ELAVL4: variants seen among roughly 807,000 people sequenced by gnomAD.
ELAVL4 encodes ELAV-like protein 4.
Under a neutral mutation model 35.6 loss-of-function variants are expected in ELAVL4, and 1 was observed. That is an observed-to-expected ratio of 0.03 (90% CI 0.01 to 0.13). The LOEUF (loss-of-function observed/expected upper bound fraction) is 0.13, where lower values mean the gene tolerates loss of function less well. ELAVL4 is among the 10% of genes least tolerant of loss of function. ELAVL4 has a pLI of 1.00. For missense variants in ELAVL4, 267 were observed against 464.9 expected (o/e 0.57, Z 3.91); for synonymous variants, 156 against 171.0 (o/e 0.91, Z 0.69).
chr1:50,099,631 C>G (rs546611039), upstream of ELAVL4, among the ~76,000 whole-genome samples: 1 of 150,378 alleles, frequency 6.6e-6, no homozygotes, highest in East Asian at 2.0e-4. Flanking sequence ...TGAATGCAAT[C>G]TGTAATTGAA....
intron 2 of ELAVL4, among the ~76,000 whole-genome samples, chr1:50,163,261 A>T (rs1192940245): frequency 6.6e-6 from 1 of 152,116 alleles, no homozygotes; most frequent in Admixed American, 6.5e-5. Context: ...CTATTGTAAC[A>T]CTTAACTATA....
rs1312220796 is a variant in ELAVL4 at position 50,202,432 on chromosome 1, T to G, written c.*1254T>G. On this transcript the variant is annotated 3_prime_UTR_variant, in exon 7 of 7. Transcript: ENST00000371824. Reference sequence around the variant, plus strand: ...AAAAGATACATTTGCTTTAAATTCATTAAGAAATTTTCAAATTCACTTTGT... The same window carrying G: ...AAAAGATACATTTGCTTTAAATTCAGTAAGAAATTTTCAAATTCACTTTGT... 1 of 152,242 alleles carries G rather than the reference T, an allele frequency of 6.6e-6. No individual in the cohort carries two copies. The highest frequency in any genetic ancestry group is 2.4e-5 in the African/African-American group (1 of 41,472). 9.4% of individuals were successfully genotyped at this position (152,242 alleles called of 1,614,324 possible). A position where few individuals can be genotyped will look rare whatever the true frequency, so the allele number is the denominator to read the frequency against.
intron 1 of ELAVL4, among the ~76,000 whole-genome samples, chr1:50,136,131 T>C (rs1281797288): frequency 6.6e-6 from 1 of 152,158 alleles, no homozygotes; most frequent in Admixed American, 6.6e-5. Flanking sequence ...TAAGACACTT[T>C]AAAGAAATAT....
chr1:50,192,138 A>G (rs1449632626), intron 3 of ELAVL4, among the ~76,000 whole-genome samples: 2 of 152,146 alleles, frequency 1.3e-5, no homozygotes, highest in Non-Finnish European at 2.9e-5. Flanking sequence ...CATCTCAGCC[A>G]TGTGCTGAGA....
At chr1:50,078,050 G>T (rs1664842093) in intron 1 of ELAVL4, among the ~76,000 whole-genome samples, 1 of 151,410 alleles carries the variant, frequency 6.6e-6, no homozygotes, top group Non-Finnish European at 1.5e-5. Context: ...CTCTGAAATG[G>T]GATAATTGCA....
At chr1:50,088,638 G>A (rs1021536957) in intron 1 of ELAVL4, among the ~76,000 whole-genome samples, 19 of 152,124 alleles carry the variant, frequency 1.2e-4, no homozygotes, top group Non-Finnish European at 1.5e-5. Flanking sequence ...TAAACTTCTT[G>A]AAATCAAAGA....
At chr1:50,109,533 A>G (rs1666701827) in intron 1 of ELAVL4, 2 of 336,864 alleles carry the variant, frequency 5.9e-6, no homozygotes, top group East Asian at 5.3e-5. Flanking sequence ...CTTTTTTGTA[A>G]GGGAGAGGGG....
At chr1:50,069,602 A>G (rs1664420660) in intron 1 of ELAVL4, among the ~76,000 whole-genome samples, 1 of 152,142 alleles carries the variant, frequency 6.6e-6, no homozygotes, top group African/African-American at 2.4e-5. Context: ...TCTTGGCATC[A>G]TTGTTTTCCG....
intron 3 of ELAVL4, among the ~76,000 whole-genome samples, chr1:50,188,200 C>T (rs1682124220): frequency 6.6e-6 from 1 of 152,184 alleles, no homozygotes; most frequent in Admixed American, 6.5e-5. Context: ...TGTCTTGGAT[C>T]ATGCCATGAA....
intron 3 of ELAVL4, among the ~76,000 whole-genome samples, chr1:50,191,563 A>T (rs1445134966): frequency 6.6e-6 from 1 of 152,148 alleles, no homozygotes; most frequent in Non-Finnish European, 1.5e-5. Context: ...ACAGAGTTGA[A>T]TAGGACACAC....
chr1:50,144,714 G>A, intron 1 of ELAVL4: 1 of 697,924 alleles, frequency 1.4e-6, no homozygotes, highest in Non-Finnish European at 2.6e-6. Flanking sequence ...CAAAATAATG[G>A]GAGAGTTCCT....
intron 1 of ELAVL4, among the ~76,000 whole-genome samples, chr1:50,052,280 A>AAATAG (rs1365793526): frequency 6.6e-6 from 1 of 152,158 alleles, no homozygotes; most frequent in Non-Finnish European, 1.5e-5. Context: ...AGAAACCCCA[A>AAATAG]AATACTCATC....
chr1:50,094,651 A>T (rs1665637818), intron 1 of ELAVL4, among the ~76,000 whole-genome samples: 5 of 152,064 alleles, frequency 3.3e-5, no homozygotes, highest in Admixed American at 3.3e-4. Context: ...CATGCCTGTA[A>T]TCCCAGCACT....
intron 1 of ELAVL4, among the ~76,000 whole-genome samples, chr1:50,138,526 C>T (rs1425965681): frequency 6.6e-6 from 1 of 151,456 alleles, no homozygotes; most frequent in Non-Finnish European, 1.5e-5. Flanking sequence ...GTGGCGTGAT[C>T]TCGGCTCACT....
In ELAVL4 at chr1:50,136,748, A is replaced by G. The variant is rs144089925; in HGVS notation, c.10-8209A>G. Among the ~76,000 whole-genome samples, 491 of 152,306 alleles carry G rather than the reference A, an allele frequency of 3.2e-3. 7 individuals carry two copies. The highest frequency in any genetic ancestry group is 0.011 in the African/African-American group (469 of 41,564). On this transcript the variant is annotated intron_variant, in intron 1 of 6. Coordinates refer to ENST00000371824, the MANE Select transcript of ELAVL4 (RefSeq NM_001144774.3). ...GGATAAGGGTATTTGTAAAAGAAAC[A>G]TCATGTTCTGTGACCTTCTTTGGTT...
intron 6 of ELAVL4, among the ~76,000 whole-genome samples, chr1:50,199,303 G>A (rs932612185): frequency 5.3e-5 from 8 of 152,184 alleles, no homozygotes; most frequent in Non-Finnish European, 7.4e-5. Flanking sequence ...TTTAAAAACA[G>A]TTGTAGCTCA....
chr1:50,112,575 A>G (rs1450033559), intron 1 of ELAVL4, among the ~76,000 whole-genome samples: 1 of 152,172 alleles, frequency 6.6e-6, no homozygotes, highest in Non-Finnish European at 1.5e-5. Context: ...TATATCTCAT[A>G]GTAACATAAC....
At chr1:50,123,724 G>A (rs1040342021) in intron 1 of ELAVL4, among the ~76,000 whole-genome samples, 1 of 152,020 alleles carries the variant, frequency 6.6e-6, no homozygotes, top group African/African-American at 2.4e-5. Flanking sequence ...ATGCTCCACT[G>A]TAGAACTGCA....
chr1:50,119,631 T>C (rs1395099794), intron 1 of ELAVL4, among the ~76,000 whole-genome samples: 1 of 152,020 alleles, frequency 6.6e-6, no homozygotes, highest in East Asian at 1.9e-4. Flanking sequence ...TCTCCAGTCA[T>C]TGAATTTTGG....
Sources: allele counts gnomAD v4.1 joint callset (sites outside exome capture counted in the v4.1 genomes callset), GRCh38; gene constraint gnomAD v4.1.1; transcripts MANE v1.5; gene names NCBI Gene and HGNC (gene_info 2026-07-23, HGNC 2026-07-21).